Variants in FTO observed in about 807,000 individuals in gnomAD.
FTO encodes alpha-ketoglutarate-dependent dioxygenase FTO.
FTO carries 47 observed loss-of-function variants against 63.9 expected under a neutral mutation model. That is an observed-to-expected ratio of 0.74 (90% CI 0.58 to 0.94). The LOEUF (loss-of-function observed/expected upper bound fraction) is 0.94. Ranked by LOEUF, FTO falls within the 40% of genes least tolerant of loss-of-function variation. The pLI, the probability that FTO is intolerant of heterozygous loss-of-function variation, is 0.00. For synonymous variants in FTO, 207 were observed against 224.4 expected (o/e 0.92, Z 0.69); for missense variants, 562 against 618.1 (o/e 0.91, Z 0.96).
rs569757745 is a variant in FTO, at chr16:53,979,910, C to T, written c.1364+45801C>T. ...TGTTACTTTGCCCCCTCTCTGGAAG[C>T]TCATTTGCTTCCACAGGAAGCCTTA... On this transcript the variant is annotated intron_variant, in intron 8 of 8. Coordinates refer to ENST00000471389, the MANE Select transcript of FTO (RefSeq NM_001080432.3). Among the ~76,000 whole-genome samples the T allele has an allele frequency of 2.0e-5, 3 of 152,286 alleles. No homozygotes were observed. In the South Asian group the frequency reaches 6.2e-4, roughly 32 times the overall value.
At chr16:53,825,000 C>T (rs11075997) in intron 2 of FTO, among the ~76,000 whole-genome samples, 58,613 of 151,944 alleles carry the variant, frequency 0.39, 11,755 homozygotes, top group Middle Eastern at 0.51. Flanking sequence ...GGGAATTGAC[C>T]AATATTACTC....
In FTO at chr16:53,810,261, G is replaced by C. The variant is rs766854982; in HGVS notation, c.123+44G>C. 5 of 1,356,648 alleles carry C rather than the reference G, an allele frequency of 3.7e-6. No individual in the cohort carries two copies. In the Admixed American group the frequency reaches 8.4e-5, roughly 23 times the overall value. The allele number at this position is 1,356,648 out of a possible 1,614,324, so 84.0% of individuals were successfully genotyped here. On this transcript the variant is annotated intron_variant, in intron 2 of 8. Transcript: ENST00000471389. The stretch of plus-strand genomic sequence containing the variant: ...TTTATCAGTTTCAGTGATGTGTTCT[G>C]ATCAACCTTATTTTACCTATGAGGA...
chr16:53,826,505 T>C lies in FTO; in HGVS notation c.751+14T>C. ...ATAGCTGTGAAGGTACAGTCTGCTC[T>C]TGGAAAAAGCAGCCCTGTATGTAAT... On this transcript the variant is annotated intron_variant, in intron 3 of 8. Coordinates refer to ENST00000471389, the MANE Select transcript of FTO (RefSeq NM_001080432.3). The C allele has an allele frequency of 6.2e-7, 1 of 1,613,862 alleles. No individual in the cohort carries two copies. Among genetic ancestry groups the C allele is most frequent in the East Asian group, 2.2e-5 (1 of 44,872 alleles).
chr16:54,022,907 C>T (rs935412757), intron 8 of FTO, among the ~76,000 whole-genome samples: 14 of 152,134 alleles, frequency 9.2e-5, no homozygotes, highest in African/African-American at 2.9e-4. Flanking sequence ...GGTAACTTTC[C>T]GCTGTATACA....
rs551602790 is a variant in FTO, at chr16:53,824,430, G to A, written c.124-1434G>A. On this transcript the variant is annotated intron_variant, in intron 2 of 8. Transcript: ENST00000471389. ...TCCTGAAGATCTCAGCTTAAATCCCGTCTCCTTAGAGAATTCTTCCTGTTC... is the reference window on the plus strand; with the variant it reads ...TCCTGAAGATCTCAGCTTAAATCCCATCTCCTTAGAGAATTCTTCCTGTTC... Among the ~76,000 whole-genome samples the A allele has an allele frequency of 4.6e-5, 7 of 152,196 alleles. No individual in the cohort carries two copies. The South Asian group carries it at 8.3e-4, about 18-fold the overall frequency.
chr16:53,748,637 G>A (rs1046976603), intron 1 of FTO, among the ~76,000 whole-genome samples: 1 of 152,066 alleles, frequency 6.6e-6, no homozygotes, highest in Non-Finnish European at 1.5e-5. Flanking sequence ...TGTATATTTA[G>A]TACAGACAGG....
chr16:54,067,052 A>G (rs2085748633), intron 8 of FTO, among the ~76,000 whole-genome samples: 1 of 152,208 alleles, frequency 6.6e-6, no homozygotes, highest in Non-Finnish European at 1.5e-5. Flanking sequence ...AAGTTCCTTT[A>G]GTACATTTAA....
chr16:54,056,113 G>GT (rs2085427227), intron 8 of FTO, among the ~76,000 whole-genome samples: 1 of 152,290 alleles, frequency 6.6e-6, no homozygotes, highest in Non-Finnish European at 1.5e-5. Flanking sequence ...TGACTAGTGC[G>GT]TAACAATAGC....
chr16:53,834,162 C>T (rs1443268002), intron 3 of FTO, among the ~76,000 whole-genome samples: 19 of 151,926 alleles, frequency 1.3e-4, no homozygotes, highest in Admixed American at 1.2e-3. Context: ...GTAGCTGGGA[C>T]TACAGGCGCC....
chr16:53,980,558 A>G (rs556505713), intron 8 of FTO, among the ~76,000 whole-genome samples: 1 of 152,302 alleles, frequency 6.6e-6, no homozygotes, highest in South Asian at 2.1e-4. Flanking sequence ...AAGGCGGCTG[A>G]GGCCCTGCTC....
At chr16:54,092,059 T>G (rs1344130039) in intron 8 of FTO, among the ~76,000 whole-genome samples, 1 of 152,314 alleles carries the variant, frequency 6.6e-6, no homozygotes, top group East Asian at 1.9e-4. Context: ...GGAGGATCCC[T>G]TGAGGCCAGG....
chr16:53,860,881 A>AGCACAC (rs540501345), intron 4 of FTO, among the ~76,000 whole-genome samples: 228 of 145,832 alleles, frequency 1.6e-3, no homozygotes, highest in African/African-American at 5.3e-3. Context: ...AAATGTTTTT[A>AGCACAC]ACACACACAC....
At chr16:53,895,714 AC>A (rs1157457794) in intron 7 of FTO, among the ~76,000 whole-genome samples, 1 of 152,152 alleles carries the variant, frequency 6.6e-6, no homozygotes, top group African/African-American at 2.4e-5. Flanking sequence ...GTTGAGCTTT[AC>A]TGGTACCAAG....
At chr16:54,008,567 A>T (rs1322292053) in intron 8 of FTO, 1 of 151,986 alleles carries the variant, frequency 6.6e-6, no homozygotes, top group African/African-American at 2.4e-5. Flanking sequence ...TTGACCAAGA[A>T]ATACCTTCCC....
At chr16:53,946,150 G>C (rs1483236446) in intron 8 of FTO, among the ~76,000 whole-genome samples, 1 of 151,580 alleles carries the variant, frequency 6.6e-6, no homozygotes, top group Admixed American at 6.6e-5. Context: ...GAATTTTCCA[G>C]TCTATTGTCC....
chr16:54,020,223 G>A (rs957979882), intron 8 of FTO, among the ~76,000 whole-genome samples: 4 of 152,130 alleles, frequency 2.6e-5, no homozygotes, highest in African/African-American at 7.2e-5. Context: ...GGATTATAGA[G>A]TACAGATATT....
At chr16:53,834,810 C>T (rs1020056127) in intron 3 of FTO, among the ~76,000 whole-genome samples, 7 of 152,162 alleles carry the variant, frequency 4.6e-5, no homozygotes, top group Admixed American at 2.6e-4. Context: ...AACATACTTA[C>T]ATTGTTTTGA....
chr16:54,085,979 A>G (rs1199855790), intron 8 of FTO, among the ~76,000 whole-genome samples: 8 of 152,170 alleles, frequency 5.3e-5, no homozygotes, highest in Non-Finnish European at 8.8e-5. Flanking sequence ...GACTTCAGTT[A>G]TATTCCCCAG....
chr16:53,937,453 G>C, intron 8 of FTO: 2 of 392,626 alleles, frequency 5.1e-6, no homozygotes, highest in Non-Finnish European at 9.0e-6. Flanking sequence ...TCAGTCTGCA[G>C]CTAATAAACT....
Sources: gnomAD v4.1 joint callset for allele counts (sites outside exome capture counted in the v4.1 genomes callset) on GRCh38, gnomAD v4.1.1 for gene constraint, MANE v1.5 for transcripts, NCBI Gene and HGNC (gene_info 2026-07-23, HGNC 2026-07-21) for gene names.